Variants in SEC16A observed in about 807,000 individuals in gnomAD.
The protein encoded by SEC16A is SEC16 homolog A, endoplasmic reticulum export factor, also known as protein transport protein Sec16A.
In SEC16A, 110 loss-of-function variants were observed where a neutral mutation model predicts 221.9. The observed-to-expected ratio is 0.50, with a 90% CI of 0.42 to 0.58. The LOEUF (loss-of-function observed/expected upper bound fraction) is 0.58, where lower values mean the gene tolerates loss of function less well. Ranked by LOEUF, SEC16A falls within the 20% of genes least tolerant of loss-of-function variation. The pLI, the probability that SEC16A is intolerant of heterozygous loss-of-function variation, is 0.00. For missense variants in SEC16A, 3,165 were observed against 3,097.8 expected, an observed-to-expected ratio of 1.02 and a Z score of -0.52; for synonymous variants, 1,393 against 1,257.7, an observed-to-expected ratio of 1.11 and a Z score of -2.28.
In SEC16A at chr9:136,448,143, G is replaced by A. The variant is rs1224436425; in HGVS notation, c.6331C>T (p.Arg2111Cys). 7 of 1,613,360 alleles carry A rather than the reference G, an allele frequency of 4.3e-6. No individual in the cohort carries two copies. In the Admixed American group the frequency reaches 5.0e-5, roughly 12 times the overall value. ...EPKKGESWFF[R>C]WLPGKKKTEA... ...GTCTTTTTCTTTCCAGGTAGCCAAC[G>A]AAAGAACCAGGATTCACCCTAAATA... The change falls in exon 24 of 32, where the codon CGT becomes TGT. Residue 2111 changes from arginine to cysteine, a missense_variant. Transcript: ENST00000684901.
At chr9:136,443,287 G>A (rs959606304) in intron 31 of SEC16A, among the ~76,000 whole-genome samples, 1 of 151,930 alleles carries the variant, frequency 6.6e-6, no homozygotes, top group East Asian at 1.9e-4. Context: ...TGAGCACGGT[G>A]GGCCTGGTGT....
upstream of SEC16A, chr9:136,483,954 G>A: frequency 3.9e-6 from 1 of 256,272 alleles, no homozygotes. Flanking sequence ...GCGTCCTGGG[G>A]TTTCCCCGAC....
At chr9:136,443,691 A>C in intron 31 of SEC16A, 132 bp downstream of exon 31, 1 of 630,880 alleles carries the variant, frequency 1.6e-6, no homozygotes, top group Non-Finnish European at 2.8e-6. Flanking sequence ...CTGTCTCAAT[A>C]AATAAATAAA....
chr9:136,456,136 G>C lies in SEC16A; in HGVS notation c.5581C>G (p.Gln1861Glu). Residue 1861 changes from glutamine to glutamate, a missense_variant, in exon 19 of 32, where the codon CAG (glutamine) becomes GAG (glutamate). Coordinates refer to ENST00000684901, the MANE Select transcript of SEC16A (RefSeq NM_014866.2). ...MASQLRLFDP[Q>E]LKEKPEEESL... Reference sequence around the variant, plus strand: ...TCCTCTTCTGGCTTCTCTTTCAGCTGGGGATCGAAGAGTCGTAACTGGGAA... The same window carrying C: ...TCCTCTTCTGGCTTCTCTTTCAGCTCGGGATCGAAGAGTCGTAACTGGGAA... 6.2e-7 allele frequency: 1 copy of C among 1,612,452 alleles called. No homozygotes were observed. The highest frequency in any genetic ancestry group is 8.5e-7 in the Non-Finnish European group (1 of 1,179,770).
chr9:136,443,852 G>T lies in SEC16A; in HGVS notation c.6976C>A (p.Pro2326Thr). The T allele has an allele frequency of 6.2e-7, 1 of 1,611,652 alleles. No individual in the cohort carries two copies. Among genetic ancestry groups the T allele is most frequent in the Non-Finnish European group, 8.5e-7 (1 of 1,178,976 alleles). Reference protein sequence around the residue: ...AAGGPPSGAMPFYNPAQLAQA... With the variant: ...AAGGPPSGAMTFYNPAQLAQA... ...GCCAGCTGAGCAGGGTTGTAGAAGG[G>T]CATGGCCCCGCTGGGAGGGCCCCCT... Residue 2326 changes from proline to threonine, a missense_variant, in exon 31 of 32, where the codon CCC becomes ACC. Pro to Thr is a conservative substitution (Grantham distance 38). Around this residue, in one of 3 missense-constraint regions of SEC16A, gnomAD observed 1,088 missense variants for 1,089.6 expected, o/e 1.00. Transcript: ENST00000684901.
At chr9:136,484,225 T>G, upstream of SEC16A, 1 of 422,770 alleles carries the variant, frequency 2.4e-6, no homozygotes, top group Non-Finnish European at 3.3e-6. Flanking sequence ...GTCCCAGCCT[T>G]GGCTGAGTGC....
Position 136,440,717 on chromosome 9 carries a change from T to G in SEC16A, c.*1038A>C, listed in dbSNP as rs946818948. ...GTGGCAAAACTCGGGGCAGAAATAC[T>G]AAGTTCCAGAGCTGCTGTCAAGAAA... On this transcript the variant is annotated 3_prime_UTR_variant, in exon 32 of 32. Transcript: ENST00000684901. 5 of 152,516 alleles carry G rather than the reference T, an allele frequency of 3.3e-5. No homozygotes were observed. Among genetic ancestry groups the G allele is most frequent in the African/African-American group, 1.2e-4 (5 of 41,434 alleles). 9.4% of individuals were successfully genotyped at this position (152,516 alleles called of 1,614,324 possible). A position where few individuals can be genotyped will look rare whatever the true frequency, so the allele number is the denominator to read the frequency against.
chr9:136,445,661 C>G lies in SEC16A; in HGVS notation c.6851G>C (p.Gly2284Ala). ...GSELPSSRPE[G>A]SQGGELSRCS... ...ACTCCTTACCTCTCCTCCCTGGGAA[C>G]CCTCAGGCCTGGAGGAGGGGAGTTC... The change falls in exon 29 of 32, where the codon GGT becomes GCT. Residue 2284 changes from glycine (G) to alanine (A), a missense_variant. Transcript: ENST00000684901. 6.4e-7 allele frequency: 1 copy of G among 1,551,308 alleles called. No individual in the cohort carries two copies. The highest frequency in any genetic ancestry group is 8.7e-7 in the Non-Finnish European group (1 of 1,147,262).
Position 136,476,360 on chromosome 9 carries a change from C to A in SEC16A, c.1256G>T (p.Gly419Val). Residue 419 changes from glycine to valine, a missense_variant, in exon 3 of 32, where the codon GGG (glycine) becomes GTG (valine). Transcript: ENST00000684901. ...LGRPPAPTHV[G>V]AGSLCQALLP... The stretch of plus-strand genomic sequence containing the variant: ...AAGGGCCTGGCAGAGGCTGCCTGCC[C>A]CCACGTGTGTAGGTGCGGGCGGACG... 1 of 1,612,832 alleles carries A rather than the reference C, an allele frequency of 6.2e-7. No homozygotes were observed. The highest frequency in any genetic ancestry group is 1.1e-5 in the South Asian group (1 of 91,084).
chr9:136,445,620 G>A (rs1472732127), intron 29 of SEC16A, 25 bp downstream of exon 29: 1 of 1,530,312 alleles, frequency 6.5e-7, no homozygotes, highest in East Asian at 2.5e-5. Flanking sequence ...GGGCTGCGGG[G>A]GGCCCTGGCG....
Position 136,466,142 on chromosome 9 carries a change from A to C in SEC16A, c.4129-6T>G. The C allele has an allele frequency of 1.3e-6, 2 of 1,582,154 alleles. No homozygotes were observed. The highest frequency in any genetic ancestry group is 1.7e-6 in the Non-Finnish European group (2 of 1,162,182). On this transcript the variant is annotated splice_region_variant and splice_polypyrimidine_tract_variant and intron_variant, in intron 7 of 31. Coordinates refer to ENST00000684901, the MANE Select transcript of SEC16A (RefSeq NM_014866.2). The surrounding 1 kb of genome is among the most constrained non-coding windows in gnomAD (Gnocchi z 5.5). ...TGGCTTCTGTAAATCTGACTCTTAG[A>C]AAACAAAGCAAACGGGCAAAATCAA...
At chr9:136,469,725 G>A (rs892058398) in intron 4 of SEC16A, among the ~76,000 whole-genome samples, 1 of 152,180 alleles carries the variant, frequency 6.6e-6, no homozygotes, top group Non-Finnish European at 1.5e-5. Context: ...TTTTTAAAAC[G>A]TGACCCTTCC....
At chr9:136,456,735 C>T (rs1838729419) in intron 18 of SEC16A, among the ~76,000 whole-genome samples, 1 of 152,190 alleles carries the variant, frequency 6.6e-6, no homozygotes, top group Non-Finnish European at 1.5e-5. Context: ...CGGGCGCCTC[C>T]CATACTCTCG....
Position 136,441,618 on chromosome 9 carries a change from G to A in SEC16A, c.*137C>T. Reference sequence around the variant, plus strand: ...TTCATTACGATGGGCGGTGAGGAGGGAGGCACAGTGTGCGACCAGCTCTGA... The same window carrying A: ...TTCATTACGATGGGCGGTGAGGAGGAAGGCACAGTGTGCGACCAGCTCTGA... On this transcript the variant is annotated 3_prime_UTR_variant, in exon 32 of 32. Coordinates refer to ENST00000684901, the MANE Select transcript of SEC16A (RefSeq NM_014866.2). The A allele has an allele frequency of 3.0e-6, 2 of 670,352 alleles. No individual in the cohort carries two copies. The highest frequency in any genetic ancestry group is 4.4e-5 in the Admixed American group (2 of 45,740). 41.5% of individuals were successfully genotyped at this position (670,352 alleles called of 1,614,324 possible). A position where few individuals can be genotyped will look rare whatever the true frequency, so the allele number is the denominator to read the frequency against.
At position 136,459,372 on chromosome 9, in the gene SEC16A, T is replaced by C. The variant is rs1839159918; in HGVS notation, c.5303+72A>G. 2.1e-6 allele frequency: 3 copies of C among 1,411,658 alleles called. No individual in the cohort carries two copies. Among genetic ancestry groups the C allele is most frequent in the Non-Finnish European group, 2.9e-6 (3 of 1,020,486 alleles). The allele number at this position is 1,411,658 out of a possible 1,614,324, so 87.4% of individuals were successfully genotyped here. ...GACATGATTCTGGCCATTTCTGAAT[T>C]CACTAAAGGAGAAGGATTTTGTTTT... is the stretch of plus-strand genomic sequence containing the variant. On this transcript the variant is annotated intron_variant, in intron 16 of 31. Coordinates refer to ENST00000684901, the MANE Select transcript of SEC16A (RefSeq NM_014866.2). The surrounding 1 kb of genome is among the most constrained non-coding windows in gnomAD (Gnocchi z 6.1).
At chr9:136,481,527 CCTAG>C (rs1408954561) in intron 1 of SEC16A, among the ~76,000 whole-genome samples, 2 of 152,176 alleles carry the variant, frequency 1.3e-5, no homozygotes, top group Non-Finnish European at 2.9e-5. Flanking sequence ...TATTCATAAA[CCTAG>C]CTAGTCAGTT....
upstream of SEC16A, chr9:136,483,159 T>C (rs1212514990): frequency 3.1e-6 from 1 of 324,058 alleles, no homozygotes; most frequent in Admixed American, 6.9e-5. Context: ...TTTCAGCCCT[T>C]CACAGCCCAT....
intron 23 of SEC16A, among the ~76,000 whole-genome samples, chr9:136,450,114 G>C (rs1837580763): frequency 6.6e-6 from 1 of 152,090 alleles, no homozygotes; most frequent in Non-Finnish European, 1.5e-5. Context: ...TGAGGCAGGA[G>C]AATTGCTTGA....
intron 1 of SEC16A, among the ~76,000 whole-genome samples, chr9:136,479,831 G>A (rs537776331): frequency 1.3e-5 from 2 of 151,550 alleles, no homozygotes; most frequent in Admixed American, 6.6e-5. Context: ...AACACACAGC[G>A]ATACCCCATC....
Sources: allele counts gnomAD v4.1 joint callset (sites outside exome capture counted in the v4.1 genomes callset), GRCh38; gene constraint gnomAD v4.1.1; regional missense constraint gnomAD v4.1.1; non-coding constraint Gnocchi (gnomAD v3.1); transcripts MANE v1.5; gene names NCBI Gene and HGNC (gene_info 2026-07-23, HGNC 2026-07-21).